Variants in MRPS31 observed in about 807,000 individuals in gnomAD.
The protein encoded by MRPS31 is mitochondrial ribosomal protein S31, also known as small ribosomal subunit protein mS31.
Under a neutral mutation model 43.1 loss-of-function variants are expected in MRPS31, and 32 were observed. That is an observed-to-expected ratio of 0.74 (90% CI 0.56 to 1.00). The LOEUF (loss-of-function observed/expected upper bound fraction) is 1.00, where lower values mean the gene tolerates loss of function less well. Among genes scored for constraint, MRPS31 ranks in the 50% least tolerant of loss-of-function variants. The pLI, the probability that MRPS31 is intolerant of heterozygous loss-of-function variation, is 0.00. For missense variants in MRPS31, 437 were observed against 466.7 expected, an observed-to-expected ratio of 0.94 and a Z score of 0.59; for synonymous variants, 165 against 161.6, an observed-to-expected ratio of 1.02 and a Z score of -0.16.
chr13:40,750,029 G>A (rs1329430122), intron 5 of MRPS31, among the ~76,000 whole-genome samples: 1 of 152,110 alleles, frequency 6.6e-6, no homozygotes, highest in South Asian at 2.1e-4. Context: ...TCACCCAAGA[G>A]ATAATACATG....
intron 5 of MRPS31, among the ~76,000 whole-genome samples, chr13:40,750,832 C>A (rs1232986918): frequency 6.7e-6 from 1 of 148,194 alleles, no homozygotes; most frequent in Non-Finnish European, 1.5e-5. Context: ...TATATATTTT[C>A]TCTTTTAAAT....
intron 5 of MRPS31, among the ~76,000 whole-genome samples, chr13:40,752,719 T>C (rs1880425312): frequency 6.6e-6 from 1 of 151,920 alleles, no homozygotes; most frequent in African/African-American, 2.4e-5. Context: ...CCTAGGAACT[T>C]ATCTATCATA....
intron 6 of MRPS31, among the ~76,000 whole-genome samples, chr13:40,735,077 C>T (rs1879843284): frequency 6.6e-6 from 1 of 152,204 alleles, no homozygotes; most frequent in Non-Finnish European, 1.5e-5. Context: ...TGGGTGCGCG[C>T]ACCTTGCGCG....
At chr13:40,745,486 AG>A (rs1295289381) in intron 6 of MRPS31, among the ~76,000 whole-genome samples, 1 of 152,232 alleles carries the variant, frequency 6.6e-6, no homozygotes, top group African/African-American at 2.4e-5. Context: ...TCGTGACCTC[AG>A]GTGATATACC....
chr13:40,756,175 C>T (rs564499692), intron 4 of MRPS31, among the ~76,000 whole-genome samples: 5 of 152,320 alleles, frequency 3.3e-5, no homozygotes, highest in African/African-American at 1.2e-4. Flanking sequence ...CAGTTGTGAG[C>T]ATATCCTGCT....
Position 40,758,952 on chromosome 13 carries a change from T to A in MRPS31, c.595A>T (p.Ile199Phe). 1 of 1,576,100 alleles carries A rather than the reference T, an allele frequency of 6.3e-7. No individual in the cohort carries two copies. The highest frequency in any genetic ancestry group is 1.2e-5 in the South Asian group (1 of 84,600). ...TTAAGGGTTTGATTCACTCACCTAA[T>A]TTTAGGTCGCTTTGCATCTCTCTGT... ...RAQRDAKRPK[I>F]SFSNIISDMK... Residue 199 changes from isoleucine to phenylalanine, a missense_variant, in exon 3 of 7, where the codon ATT becomes TTT. By Grantham distance (21) the Ile-to-Phe change is conservative. Coordinates refer to ENST00000323563, the MANE Select transcript of MRPS31 (RefSeq NM_005830.4).
rs1247874714 is a variant in MRPS31 at position 40,766,884 on chromosome 13, C to T, written c.302G>A (p.Gly101Asp). The T allele has an allele frequency of 6.2e-7, 1 of 1,614,072 alleles. No homozygotes were observed. Among genetic ancestry groups the T allele is most frequent in the South Asian group, 1.1e-5 (1 of 91,078 alleles). Residue 101 changes from glycine to aspartate, a missense_variant, in exon 2 of 7, where the codon GGC becomes GAC. Transcript: ENST00000323563. The stretch of plus-strand genomic sequence containing the variant: ...TTCAACTTTCATGCCCTTAATAATG[C>T]CTAACAAGTCTTTTTTCGTATTTTC... ...EKENTKKDLL[G>D]IIKGMKVELS...
chr13:40,746,175 A>G (rs1880235779), intron 6 of MRPS31, among the ~76,000 whole-genome samples: 1 of 152,232 alleles, frequency 6.6e-6, no homozygotes, highest in South Asian at 2.1e-4. Context: ...AAAACAAAAC[A>G]TCTTTCCCCA....
chr13:40,742,888 T>C (rs530639953), intron 6 of MRPS31, among the ~76,000 whole-genome samples: 11 of 152,070 alleles, frequency 7.2e-5, no homozygotes, highest in Non-Finnish European at 1.3e-4. Context: ...CCTTTGACCA[T>C]GTACAAAAAT....
chr13:40,749,401 T>C (rs1880327758), intron 5 of MRPS31, 120 bp from the exon 6 acceptor site: 1 of 670,086 alleles, frequency 1.5e-6, no homozygotes, highest in Non-Finnish European at 2.2e-6. Flanking sequence ...AATTAAATAG[T>C]ATATAATAAA....
At chr13:40,734,775 T>C (rs1879827522) in intron 6 of MRPS31, among the ~76,000 whole-genome samples, 1 of 152,018 alleles carries the variant, frequency 6.6e-6, no homozygotes, top group South Asian at 2.1e-4. Context: ...GTGCCTGTGG[T>C]CCTCTCCTCA....
intron 6 of MRPS31, among the ~76,000 whole-genome samples, chr13:40,747,662 G>A (rs1288277475): frequency 2.6e-5 from 4 of 152,114 alleles, no homozygotes; most frequent in African/African-American, 9.7e-5. Context: ...TGGATCACCC[G>A]AGGTCTGGAG....
chr13:40,770,529 CTA>C (rs1400212874), intron 1 of MRPS31, among the ~76,000 whole-genome samples: 9 of 152,242 alleles, frequency 5.9e-5, no homozygotes, highest in African/African-American at 2.2e-4. Flanking sequence ...TTTACCTACA[CTA>C]TCTCAGCTAT....
At chr13:40,738,690 C>T (rs1879995273) in intron 6 of MRPS31, among the ~76,000 whole-genome samples, 1 of 152,176 alleles carries the variant, frequency 6.6e-6, no homozygotes, top group Non-Finnish European at 1.5e-5. Context: ...ACAAAAACTA[C>T]ATGATTATCT....
At chr13:40,762,636 A>G (rs888342382) in intron 2 of MRPS31, among the ~76,000 whole-genome samples, 16 of 151,550 alleles carry the variant, frequency 1.1e-4, no homozygotes, top group African/African-American at 3.6e-4. Context: ...GGGTCTCACT[A>G]TGTTGGCAGG....
chr13:40,768,183 T>C (rs1297863286), intron 1 of MRPS31, among the ~76,000 whole-genome samples: 1 of 152,260 alleles, frequency 6.6e-6, no homozygotes, highest in Non-Finnish European at 1.5e-5. Flanking sequence ...CTGAATGTGT[T>C]AGTTTCAGTA....
chr13:40,757,259 C>T (rs1880555724), intron 3 of MRPS31, among the ~76,000 whole-genome samples: 1 of 152,154 alleles, frequency 6.6e-6, no homozygotes, highest in Admixed American at 6.5e-5. Context: ...ACGTAAGTGT[C>T]TCATGAAAAA....
At position 40,754,081 on chromosome 13, in the gene MRPS31, A is replaced by G; in HGVS notation, c.752T>C (p.Phe251Ser). 1 of 1,580,118 alleles carries G rather than the reference A, an allele frequency of 6.3e-7. No individual in the cohort carries two copies. Among genetic ancestry groups the G allele is most frequent in the Admixed American group, 1.8e-5 (1 of 56,652 alleles). Residue 251 changes from phenylalanine (F) to serine (S), a missense_variant, in exon 5 of 7, where the codon TTC becomes TCC. By Grantham distance (155) the Phe-to-Ser change is radical (BLOSUM62 -2). Coordinates refer to ENST00000323563, the MANE Select transcript of MRPS31 (RefSeq NM_005830.4). ...TDDLKKRKNIFTGKRLNIFDM... is the reference protein window; with the variant it reads ...TDDLKKRKNISTGKRLNIFDM... The stretch of plus-strand genomic sequence containing the variant: ...AAAAATATTAAGTCTTTTCCCTGTG[A>G]ATATATTTTTCCTAAGTCCAAAAAA...
chr13:40,760,153 A>C (rs994986929), intron 2 of MRPS31, among the ~76,000 whole-genome samples: 1 of 151,764 alleles, frequency 6.6e-6, no homozygotes, highest in Non-Finnish European at 1.5e-5. Flanking sequence ...AAAAAAAAAA[A>C]AAACTGTATG....
Sources: allele counts gnomAD v4.1 joint callset (sites outside exome capture counted in the v4.1 genomes callset), GRCh38; gene constraint gnomAD v4.1.1; transcripts MANE v1.5; gene names NCBI Gene and HGNC (gene_info 2026-07-23, HGNC 2026-07-21).